GPHN: variants seen among roughly 807,000 people sequenced by gnomAD.
GPHN encodes the protein gephyrin.
In GPHN, 17 loss-of-function variants were observed where a neutral mutation model predicts 95.5. The ratio of observed to expected loss-of-function variants is 0.18; its 90% CI spans 0.12 to 0.27. The LOEUF (loss-of-function observed/expected upper bound fraction) is 0.27. Among genes scored for constraint, GPHN ranks in the 10% least tolerant of loss-of-function variants. The probability of loss-of-function intolerance (pLI) is 1.00; values close to 1 mark genes in which losing one functional copy is unlikely to be tolerated. For synonymous variants in GPHN, 320 were observed against 322.5 expected (o/e 0.99, Z 0.08); for missense variants, 660 against 978.1 (o/e 0.67, Z 4.34).
At chr14:66,929,989 G>C (rs1212047777) in intron 8 of GPHN, among the ~76,000 whole-genome samples, 1 of 152,126 alleles carries the variant, frequency 6.6e-6, no homozygotes, top group African/African-American at 2.4e-5. Flanking sequence ...GGGATTACAG[G>C]CGTGAGCCAC....
At chr14:67,387,007 A>G in the GPHN span, 1 of 199,368 alleles carries the variant, frequency 5.0e-6, no homozygotes, top group African/African-American at 2.4e-5. Flanking sequence ...GTTTTATTCA[A>G]CATTATGGCA....
the GPHN span, chr14:67,570,602 A>C: frequency 1.3e-5 from 2 of 153,098 alleles, no homozygotes; most frequent in African/African-American, 4.8e-5. Context: ...ATTTATAAAT[A>C]TGCAGCACAC....
At chr14:67,015,348 T>C (rs1344185656) in intron 9 of GPHN, among the ~76,000 whole-genome samples, 3 of 152,116 alleles carry the variant, frequency 2.0e-5, no homozygotes, top group African/African-American at 7.2e-5. Flanking sequence ...TATAAAATTG[T>C]TTTGCTTATA....
the GPHN span, chr14:67,221,684 T>A: frequency 6.4e-7 from 1 of 1,551,042 alleles, no homozygotes; most frequent in East Asian, 2.4e-5. Flanking sequence ...ACAGAGCATT[T>A]AAAGAATGAC....
the GPHN span, chr14:67,646,354 A>G: frequency 2.6e-6 from 1 of 387,290 alleles, no homozygotes; most frequent in South Asian, 4.3e-5. Context: ...TGGGATAGAA[A>G]AGGGCTAATC....
intron 13 of GPHN, among the ~76,000 whole-genome samples, chr14:67,109,496 A>C (rs969015059): frequency 1.3e-5 from 2 of 152,200 alleles, no homozygotes; most frequent in African/African-American, 2.4e-5. Context: ...ACAAACAATG[A>C]AAATCTTGTT....
At chr14:66,759,156 T>C (rs113946707) in intron 2 of GPHN, among the ~76,000 whole-genome samples, 83 of 152,340 alleles carry the variant, frequency 5.4e-4, no homozygotes, top group African/African-American at 1.6e-3. Flanking sequence ...AGATAAGACT[T>C]TCTTAAAGCC....
Position 66,803,412 on chromosome 14 carries a change from C to T in GPHN, c.202-21062C>T, listed in dbSNP as rs376179478. Among the ~76,000 whole-genome samples the T allele has an allele frequency of 5.9e-5, 9 of 152,136 alleles. 1 individual carries two copies. Among genetic ancestry groups the T allele is most frequent in the South Asian group, 2.1e-4 (1 of 4,820 alleles). On this transcript the variant is annotated intron_variant, in intron 3 of 22. Coordinates refer to ENST00000478722, the MANE Select transcript of GPHN (RefSeq NM_020806.5). The stretch of plus-strand genomic sequence containing the variant: ...AGTGCTCACCTGAGTTTGAGTTTTA[C>T]GAAGGTACTTTTTTTGTGTAGATAG...
the GPHN span, among the ~76,000 whole-genome samples, chr14:67,683,030 A>G: frequency 1.3e-5 from 2 of 152,260 alleles, no homozygotes; most frequent in Admixed American, 1.3e-4. Context: ...CAGTAAAGGC[A>G]AATTCTTAGA....
chr14:67,265,956 TA>T, the GPHN span, among the ~76,000 whole-genome samples: 1 of 152,112 alleles, frequency 6.6e-6, no homozygotes, highest in Admixed American at 6.5e-5. Context: ...AAAAAACTTT[TA>T]AAAAAAATCT....
chr14:66,744,526 A>G (rs1267012355), intron 2 of GPHN, among the ~76,000 whole-genome samples: 4 of 151,052 alleles, frequency 2.6e-5, no homozygotes, highest in Non-Finnish European at 5.9e-5. Context: ...TGTTTAGAGT[A>G]AACAGTGAAT....
the GPHN span, among the ~76,000 whole-genome samples, chr14:67,378,393 A>G: frequency 1.4e-5 from 2 of 145,390 alleles, no homozygotes; most frequent in Non-Finnish European, 3.0e-5. Context: ...TAACATTTAT[A>G]TAATTCTAAC....
chr14:67,053,051 CA>C (rs149456983), intron 10 of GPHN, among the ~76,000 whole-genome samples: 1,622 of 127,336 alleles, frequency 0.013, 23 homozygotes, highest in African/African-American at 0.044. Context: ...GAACCAAGAG[CA>C]AAAAAGAAAA....
At chr14:67,623,750 C>T in the GPHN span, among the ~76,000 whole-genome samples, 2 of 152,166 alleles carry the variant, frequency 1.3e-5, no homozygotes, top group African/African-American at 4.8e-5. Context: ...CCATGTTGGC[C>T]AGGCTGATCT....
intron 1 of GPHN, among the ~76,000 whole-genome samples, chr14:66,628,227 A>G (rs2063595034): frequency 6.6e-6 from 1 of 152,174 alleles, no homozygotes; most frequent in South Asian, 2.1e-4. Flanking sequence ...ACAGTCATTC[A>G]TTGCTTAATG....
chr14:67,539,062 T>A, the GPHN span, among the ~76,000 whole-genome samples: 2 of 152,238 alleles, frequency 1.3e-5, no homozygotes, highest in Non-Finnish European at 2.9e-5. Flanking sequence ...CTTGCTTTTA[T>A]GCTTTTACTG....
chr14:66,752,393 T>C (rs1410935194), intron 2 of GPHN, among the ~76,000 whole-genome samples: 1 of 152,130 alleles, frequency 6.6e-6, no homozygotes, highest in Non-Finnish European at 1.5e-5. Flanking sequence ...TGATTTAAAG[T>C]GAGAGATATG....
chr14:67,693,542 T>G, the GPHN span, among the ~76,000 whole-genome samples: 1 of 151,102 alleles, frequency 6.6e-6, no homozygotes, highest in Non-Finnish European at 1.5e-5. Context: ...CCCACACGCA[T>G]GCACATACAC....
At chr14:66,616,379 C>G (rs1418735112) in intron 1 of GPHN, among the ~76,000 whole-genome samples, 1 of 149,842 alleles carries the variant, frequency 6.7e-6, no homozygotes, top group Non-Finnish European at 1.5e-5. Context: ...AGGCTGCTGA[C>G]CCATGGATGG....
Sources: gnomAD v4.1 joint callset for allele counts (sites outside exome capture counted in the v4.1 genomes callset) on GRCh38, gnomAD v4.1.1 for gene constraint, MANE v1.5 for transcripts, NCBI Gene and HGNC (gene_info 2026-07-23, HGNC 2026-07-21) for gene names.